The following EIF5B variants were observed in gnomAD, a reference collection of about 807,000 sequenced individuals.
EIF5B encodes eIF-5B.
In EIF5B, 47 loss-of-function variants were observed where a neutral mutation model predicts 147.5. That is an observed-to-expected ratio of 0.32 (90% CI 0.25 to 0.41). The LOEUF (loss-of-function observed/expected upper bound fraction) is 0.41, where lower values mean the gene tolerates loss of function less well. Ranked by LOEUF, EIF5B falls within the 10% of genes least tolerant of loss-of-function variation. EIF5B has a pLI of 1.00. For synonymous variants in EIF5B, 455 were observed against 456.2 expected, an observed-to-expected ratio of 1.00 and a Z score of 0.03; for missense variants, 1,064 against 1,413.2, an observed-to-expected ratio of 0.75 and a Z score of 3.96.
intron 9 of EIF5B, among the ~76,000 whole-genome samples, chr2:99,372,890 GT>G (rs1674481673): frequency 6.6e-6 from 1 of 151,740 alleles, no homozygotes; most frequent in Non-Finnish European, 1.5e-5. Context: ...CGTTCTGAGG[GT>G]TTTTTTGTTT....
Position 99,363,676 on chromosome 2 carries a change from TAAG to T in EIF5B, c.957_959del (p.Lys322del), listed in dbSNP as rs761403299. On this transcript the variant is annotated inframe_deletion, in exon 5 of 24. Coordinates refer to ENST00000289371, the MANE Select transcript of EIF5B (RefSeq NM_015904.4). ...ATGAAGGAGACAAAAAGAAGAAAGATAAGAAGAAAAAGAAAGGAGAAAAGGAAG... is the reference window on the plus strand; with the variant it reads ...ATGAAGGAGACAAAAAGAAGAAAGATAAGAAAAAGAAAGGAGAAAAGGAAG... 3.6e-5 allele frequency: 57 copies of T among 1,582,612 alleles called. No individual in the cohort carries two copies. Among genetic ancestry groups the T allele is most frequent in the African/African-American group, 2.1e-4 (15 of 72,204 alleles).
chr2:99,374,506 A>G (rs907354140), intron 9 of EIF5B, among the ~76,000 whole-genome samples: 1 of 151,932 alleles, frequency 6.6e-6, no homozygotes, highest in Non-Finnish European at 1.5e-5. Context: ...TTTTTTTAGT[A>G]TGGATCAGTT....
At chr2:99,378,992 T>C (rs1674618252) in intron 10 of EIF5B, 27 bp from the exon 11 acceptor site, 1 of 1,439,612 alleles carries the variant, frequency 6.9e-7, no homozygotes, top group Admixed American at 2.6e-5. Flanking sequence ...TATTTAATTT[T>C]TGATTTTTTT....
chr2:99,343,296 A>G (rs946032769), intron 1 of EIF5B, among the ~76,000 whole-genome samples: 5 of 151,018 alleles, frequency 3.3e-5, no homozygotes, highest in African/African-American at 1.2e-4. Context: ...AGGTCTTGAT[A>G]TAGTCTGGAT....
chr2:99,340,123 G>T (rs1380376333), intron 1 of EIF5B, among the ~76,000 whole-genome samples: 1 of 152,180 alleles, frequency 6.6e-6, no homozygotes, highest in Non-Finnish European at 1.5e-5. Context: ...AGCTTTAGCA[G>T]AGTTCCCTTT....
chr2:99,396,844 G>C lies in EIF5B; in HGVS notation c.3339G>C (p.Thr1113=). 6.2e-7 allele frequency: 1 copy of C among 1,613,018 alleles called. No homozygotes were observed. Among genetic ancestry groups the C allele is most frequent in the Non-Finnish European group, 8.5e-7 (1 of 1,179,720 alleles). Residue 1113 remains threonine, a synonymous_variant, in exon 22 of 24, where the codon ACG becomes ACC. Coordinates refer to ENST00000289371, the MANE Select transcript of EIF5B (RefSeq NM_015904.4). ...NSRDPIVMGV[T]VEAGQVKQGT... ...GAGATCCGATAGTGATGGGGGTGAC[G>C]GTGGAAGCAGGTCAGGTGAAACAGG...
In EIF5B at chr2:99,390,255, C is replaced by A; in HGVS notation, c.2440C>A (p.Pro814Thr). Residue 814 changes from proline to threonine, a missense_variant, in exon 16 of 24, where the codon CCC becomes ACC. Around this residue, in one of 4 missense-constraint regions of EIF5B, gnomAD observed 380 missense variants for 715.6 expected, o/e 0.53. Transcript: ENST00000289371. Reference protein sequence around the residue: ...NAALFYENKDPRTFVSLVPTS... With the variant: ...NAALFYENKDTRTFVSLVPTS... ...TGCTTTGTTTTATGAGAATAAAGATCCCCGCACTTTTGTGTCTTTGGTACC... is the reference window on the plus strand; with the variant it reads ...TGCTTTGTTTTATGAGAATAAAGATACCCGCACTTTTGTGTCTTTGGTACC... 6.2e-7 allele frequency: 1 copy of A among 1,613,990 alleles called. No individual in the cohort carries two copies. Among genetic ancestry groups the A allele is most frequent in the Non-Finnish European group, 8.5e-7 (1 of 1,179,992 alleles).
chr2:99,351,660 A>G (rs1673965270), intron 1 of EIF5B, among the ~76,000 whole-genome samples: 2 of 151,832 alleles, frequency 1.3e-5, no homozygotes, highest in East Asian at 1.9e-4. Context: ...TAGGATTTCT[A>G]GTGGCTGTGT....
At chr2:99,376,742 G>T in intron 10 of EIF5B, 106 bp downstream of exon 10, 1 of 1,428,484 alleles carries the variant, frequency 7.0e-7, no homozygotes, top group Non-Finnish European at 9.2e-7. Context: ...GTATTCTCAA[G>T]AATAGAACAC....
At chr2:99,364,855 CA>C (rs2104186350) in intron 6 of EIF5B, among the ~76,000 whole-genome samples, 1 of 150,254 alleles carries the variant, frequency 6.7e-6, no homozygotes, top group South Asian at 2.2e-4. Flanking sequence ...CCCACATGAC[CA>C]CGGTGAAAAA....
chr2:99,357,561 T>C (rs1014259639), intron 1 of EIF5B, among the ~76,000 whole-genome samples: 1 of 152,248 alleles, frequency 6.6e-6, no homozygotes, highest in African/African-American at 2.4e-5. Context: ...AATGTACAAA[T>C]GTAGTCCTAT....
intron 4 of EIF5B, among the ~76,000 whole-genome samples, chr2:99,362,120 T>C (rs1182153347): frequency 6.6e-6 from 1 of 152,130 alleles, no homozygotes; most frequent in Non-Finnish European, 1.5e-5. Context: ...TAATGAAAAA[T>C]TTATTCTTCC....
intron 21 of EIF5B, among the ~76,000 whole-genome samples, chr2:99,395,343 T>C (rs1406489171): frequency 6.6e-6 from 1 of 152,208 alleles, no homozygotes. Flanking sequence ...TCCCTCCTCC[T>C]TTCCCTTTGA....
intron 21 of EIF5B, among the ~76,000 whole-genome samples, chr2:99,396,456 T>C (rs935878990): frequency 1.5e-4 from 23 of 152,180 alleles, no homozygotes; most frequent in Non-Finnish European, 2.9e-5. Flanking sequence ...GCAGCCAAGC[T>C]CAGTGTTTTA....
chr2:99,365,550 G>C (rs1457734794), intron 6 of EIF5B, among the ~76,000 whole-genome samples: 1 of 152,130 alleles, frequency 6.6e-6, no homozygotes, highest in East Asian at 1.9e-4. Context: ...CTATTGGAGA[G>C]GCTAAAAGCA....
Position 99,361,472 on chromosome 2 carries a change from G to C in EIF5B, c.571G>C (p.Asp191His), listed in dbSNP as rs974256049. 1.1e-5 allele frequency: 17 copies of C among 1,613,964 alleles called. No individual in the cohort carries two copies. The highest frequency in any genetic ancestry group is 1.4e-5 in the Non-Finnish European group (17 of 1,179,996). ...TTCTGGTGAAAGTGGTGATGAATCA[G>C]ATGAATTTTTGCAATCTAGAAAAGG... Reference protein sequence around the residue: ...NSSGESGDESDEFLQSRKGQK... With the variant: ...NSSGESGDESHEFLQSRKGQK... Residue 191 changes from aspartate (D) to histidine (H), a missense_variant, in exon 4 of 24, where the codon GAT (aspartate) becomes CAT (histidine). By Grantham distance (81) the Asp-to-His change is moderately conservative. Coordinates refer to ENST00000289371, the MANE Select transcript of EIF5B (RefSeq NM_015904.4).
intron 21 of EIF5B, 84 bp downstream of exon 21, chr2:99,394,967 G>A: frequency 1.6e-6 from 2 of 1,272,648 alleles, no homozygotes; most frequent in East Asian, 4.8e-5. Context: ...GCTGTAAACA[G>A]CAAAATCATG....
chr2:99,374,983 C>G (rs1674532682), intron 9 of EIF5B, among the ~76,000 whole-genome samples: 1 of 151,958 alleles, frequency 6.6e-6, no homozygotes, highest in Non-Finnish European at 1.5e-5. Flanking sequence ...TTGGCTCTTT[C>G]TATTCTGAGG....
Position 99,376,668 on chromosome 2 carries a change from T to C in EIF5B, c.1842+32T>C, listed in dbSNP as rs368284859. On this transcript the variant is annotated intron_variant, in intron 10 of 23. Transcript: ENST00000289371. The stretch of plus-strand genomic sequence containing the variant: ...ATTTTACCGTTTCTCTCTACTTTTC[T>C]TCCCACTCCTCTGTGATGATTAAAA... 7 of 1,565,370 alleles carry C rather than the reference T, an allele frequency of 4.5e-6. No individual in the cohort carries two copies. In the African/African-American group the frequency reaches 9.6e-5, roughly 21 times the overall value.
Sources: gnomAD v4.1 joint callset for allele counts (sites outside exome capture counted in the v4.1 genomes callset) on GRCh38, gnomAD v4.1.1 for gene constraint, gnomAD v4.1.1 regional missense constraint, MANE v1.5 for transcripts, NCBI Gene and HGNC (gene_info 2026-07-23, HGNC 2026-07-21) for gene names.